The following KIAA1671 variants were observed in gnomAD, a reference collection of about 807,000 sequenced individuals.
KIAA1671 encodes uncharacterized protein KIAA1671.
Under a neutral mutation model 131.2 loss-of-function variants are expected in KIAA1671, and 52 were observed. That is an observed-to-expected ratio of 0.40 (90% CI 0.32 to 0.50). KIAA1671 has a LOEUF of 0.50. KIAA1671 is among the 20% of genes least tolerant of loss of function. The pLI is 0.73. For synonymous variants in KIAA1671, 1,003 were observed against 961.6 expected (o/e 1.04, Z -0.80); for missense variants, 2,360 against 2,364.2 (o/e 1.00, Z 0.04).
chr22:24,983,502 C>T (rs1229178467), intron 1 of KIAA1671, among the ~76,000 whole-genome samples: 3 of 151,844 alleles, frequency 2.0e-5, no homozygotes, highest in African/African-American at 4.8e-5. Flanking sequence ...CAAAGAAGGT[C>T]GCATTCTGAG....
intron 6 of KIAA1671, among the ~76,000 whole-genome samples, chr22:25,075,804 C>G (rs1173492610): frequency 5.6e-5 from 7 of 125,050 alleles, no homozygotes; most frequent in African/African-American, 2.2e-4. Flanking sequence ...GAGACAAAGT[C>G]TCACTCTTGT....
intron 1 of KIAA1671, among the ~76,000 whole-genome samples, chr22:24,976,938 C>T (rs765142952): frequency 3.9e-5 from 6 of 152,130 alleles, no homozygotes; most frequent in Non-Finnish European, 8.8e-5. Flanking sequence ...CTCCCCTGTC[C>T]TGTAAGCCTG....
chr22:25,184,071 A>C (rs1934386303), intron 10 of KIAA1671, among the ~76,000 whole-genome samples: 1 of 152,236 alleles, frequency 6.6e-6, no homozygotes, highest in African/African-American at 2.4e-5. Flanking sequence ...CCATTCATTC[A>C]TCAGTGTTAG....
chr22:25,169,900 AT>A (rs1933784200), intron 6 of KIAA1671, among the ~76,000 whole-genome samples: 1 of 152,014 alleles, frequency 6.6e-6, no homozygotes, highest in South Asian at 2.1e-4. Flanking sequence ...TTTACTGGCT[AT>A]TTGATTTGGG....
intron 1 of KIAA1671, among the ~76,000 whole-genome samples, chr22:24,984,901 A>G (rs752394342): frequency 9.9e-5 from 13 of 130,998 alleles, no homozygotes; most frequent in Non-Finnish European, 1.6e-4. Context: ...CGACAGAGCT[A>G]GACTACGTCT....
At chr22:25,147,444 C>T (rs8141568) in intron 6 of KIAA1671, among the ~76,000 whole-genome samples, 69,258 of 151,894 alleles carry the variant, frequency 0.46, 17,304 homozygotes, top group African/African-American at 0.67. Flanking sequence ...CCACCTGCCT[C>T]GGCCTCCCAC....
At chr22:25,093,754 C>A (rs8138891) in intron 6 of KIAA1671, among the ~76,000 whole-genome samples, 2 of 100,676 alleles carry the variant, frequency 2.0e-5, no homozygotes, top group African/African-American at 8.5e-5. Flanking sequence ...CTCTCTCTCT[C>A]TCTCTCTCTC....
chr22:25,038,655 A>T, intron 4 of KIAA1671, 105 bp from the exon 5 acceptor site: 1 of 1,194,166 alleles, frequency 8.4e-7, no homozygotes, highest in East Asian at 2.6e-5. Flanking sequence ...ATGGTATTTC[A>T]TTGTTTTAAT....
chr22:25,187,549 C>G (rs1196403398), intron 11 of KIAA1671, among the ~76,000 whole-genome samples: 1 of 152,094 alleles, frequency 6.6e-6, no homozygotes, highest in Non-Finnish European at 1.5e-5. Context: ...CAGGGTCTCA[C>G]TCTGTCACCC....
chr22:25,120,317 C>A (rs904941058), intron 6 of KIAA1671, among the ~76,000 whole-genome samples: 1 of 152,224 alleles, frequency 6.6e-6, no homozygotes, highest in African/African-American at 2.4e-5. Flanking sequence ...GCTACAGTGT[C>A]GCCAGGCAGG....
intron 1 of KIAA1671, among the ~76,000 whole-genome samples, chr22:25,008,223 A>G (rs1924856196): frequency 6.6e-6 from 1 of 151,192 alleles, no homozygotes; most frequent in African/African-American, 2.4e-5. Context: ...AAAAAAAGGA[A>G]AAAGAAAAGT....
chr22:25,166,825 C>T (rs867451214), intron 6 of KIAA1671, among the ~76,000 whole-genome samples: 1 of 152,174 alleles, frequency 6.6e-6, no homozygotes, highest in Non-Finnish European at 1.5e-5. Context: ...CCCTGCCCTG[C>T]GTCCCCACCC....
chr22:25,028,449 C>G lies in KIAA1671; in HGVS notation c.450C>G (p.Thr150=). The part of the protein sequence containing the change: ...SSSTMILFET[T]KSGPALGKAV... The stretch of plus-strand genomic sequence containing the variant: ...GCACCATGATTCTCTTCGAAACCAC[C>G]AAAAGCGGCCCCGCTCTGGGGAAGG... Residue 150 remains threonine (T), a synonymous_variant, in exon 3 of 13, where the codon ACC becomes ACG. Transcript: ENST00000358431. 6.4e-7 allele frequency: 1 copy of G among 1,550,706 alleles called. No individual in the cohort carries two copies. Among genetic ancestry groups the G allele is most frequent in the Non-Finnish European group, 8.7e-7 (1 of 1,146,670 alleles).
intron 1 of KIAA1671, among the ~76,000 whole-genome samples, chr22:25,009,112 T>C (rs1026237239): frequency 2.0e-5 from 3 of 152,146 alleles, no homozygotes; most frequent in Non-Finnish European, 2.9e-5. Context: ...GAGAGTGCAG[T>C]GCTGTGGACA....
intron 12 of KIAA1671, among the ~76,000 whole-genome samples, chr22:25,191,387 C>G (rs1010559486): frequency 1.6e-4 from 24 of 152,186 alleles, no homozygotes; most frequent in African/African-American, 5.5e-4. Context: ...AACTCCTGAC[C>G]TCAGGTGATC....
intron 6 of KIAA1671, among the ~76,000 whole-genome samples, chr22:25,093,838 GTCTCTCTCTCTCTCTCTCTCTC>G (rs56200570): frequency 3.6e-4 from 7 of 19,640 alleles, no homozygotes; most frequent in Admixed American, 1.0e-3. Context: ...CTCTCTGTCT[GTCTCTCTCTCTCTCTCTCTCTC>G]TCTCTCTCTC....
intron 6 of KIAA1671, among the ~76,000 whole-genome samples, chr22:25,137,427 A>G (rs1389709764): frequency 6.6e-6 from 1 of 152,218 alleles, no homozygotes; most frequent in Non-Finnish European, 1.5e-5. Context: ...GGAAAGTGTC[A>G]TGGAATCATG....
At chr22:24,991,006 G>T (rs949260972) in intron 1 of KIAA1671, among the ~76,000 whole-genome samples, 1 of 152,036 alleles carries the variant, frequency 6.6e-6, no homozygotes. Flanking sequence ...CTGAGGAAGG[G>T]ACCCTTTCTT....
intron 6 of KIAA1671, among the ~76,000 whole-genome samples, chr22:25,093,721 ACACACACACACACACACTCTCTCT>A (rs1930145489): frequency 3.2e-5 from 3 of 93,014 alleles, no homozygotes; most frequent in Admixed American, 1.9e-4. Context: ...ACACACACAC[ACACACACACACACACACTCTCTCT>A]CTCTCTCTCT....
Sources: allele counts gnomAD v4.1 joint callset (sites outside exome capture counted in the v4.1 genomes callset), GRCh38; gene constraint gnomAD v4.1.1; transcripts MANE v1.5; gene names NCBI Gene and HGNC (gene_info 2026-07-23, HGNC 2026-07-21).